SMYD3: variants seen among roughly 807,000 people sequenced by gnomAD.
SMYD3 encodes the protein histone-lysine N-methyltransferase SMYD3.
SMYD3 carries 36 observed loss-of-function variants against 57.7 expected under a neutral mutation model. The observed-to-expected ratio is 0.62, with a 90% CI of 0.48 to 0.82. The LOEUF (loss-of-function observed/expected upper bound fraction) is 0.82, where lower values mean the gene tolerates loss of function less well. Ranked by LOEUF, SMYD3 falls within the 40% of genes least tolerant of loss-of-function variation. The pLI is 0.00. For missense variants in SMYD3, 515 were observed against 538.8 expected (o/e 0.96, Z 0.44); for synonymous variants, 211 against 195.0 (o/e 1.08, Z -0.68).
intron 7 of SMYD3, among the ~76,000 whole-genome samples, chr1:245,917,394 G>A (rs2055514509): frequency 6.6e-6 from 1 of 152,148 alleles, no homozygotes; most frequent in Admixed American, 6.5e-5. Context: ...GATTATGAAG[G>A]AAAAGAAAAA....
intron 5 of SMYD3, among the ~76,000 whole-genome samples, chr1:246,041,911 C>T (rs2148296391): frequency 6.6e-6 from 1 of 152,202 alleles, no homozygotes; most frequent in Non-Finnish European, 1.5e-5. Flanking sequence ...TGCGTATTTC[C>T]TGGGCCCTTA....
chr1:245,824,407 C>A (rs2049352669), intron 10 of SMYD3, among the ~76,000 whole-genome samples: 1 of 152,216 alleles, frequency 6.6e-6, no homozygotes, highest in Non-Finnish European at 1.5e-5. Flanking sequence ...AAGCCAAGTA[C>A]TAAGTAATCT....
intron 10 of SMYD3, among the ~76,000 whole-genome samples, chr1:245,801,750 C>G (rs1160080070): frequency 6.1e-5 from 9 of 147,608 alleles, no homozygotes; most frequent in Admixed American, 5.4e-4. Context: ...ATCACAAAAA[C>G]TCAAGTTGGA....
rs376552638 is a variant in SMYD3 at position 246,302,260 on chromosome 1, C to G, written c.531+24941G>C. Among the ~76,000 whole-genome samples, 6 of 152,158 alleles carry G rather than the reference C, an allele frequency of 3.9e-5. No individual in the cohort carries two copies. The East Asian group carries it at 5.8e-4, about 15-fold the overall frequency. ...AAAGGCTATCAGAGAATCGAAGCAACTCACAGAAGGAAAGCCTAGCAATGG... is the reference window on the plus strand; with the variant it reads ...AAAGGCTATCAGAGAATCGAAGCAAGTCACAGAAGGAAAGCCTAGCAATGG... On this transcript the variant is annotated intron_variant, in intron 5 of 11. Coordinates refer to ENST00000490107, the MANE Select transcript of SMYD3 (RefSeq NM_001167740.2).
chr1:245,860,142 G>C (rs1266675262), intron 9 of SMYD3, among the ~76,000 whole-genome samples: 2 of 87,670 alleles, frequency 2.3e-5, no homozygotes, highest in Non-Finnish European at 6.4e-5. Flanking sequence ...GAGTTTGACT[G>C]AACTCAGTGC....
chr1:246,398,042 C>T (rs980307276), intron 1 of SMYD3, among the ~76,000 whole-genome samples: 2 of 152,056 alleles, frequency 1.3e-5, no homozygotes, highest in Admixed American at 6.6e-5. Flanking sequence ...CACTAGAATG[C>T]TAAAGTCTGA....
rs78489136 is a variant in SMYD3, at chr1:246,336,933, A to G, written c.229-1459T>C. Among the ~76,000 whole-genome samples, 1,048 of 152,358 alleles carry G rather than the reference A, an allele frequency of 6.9e-3. 35 individuals are homozygous for G. The East Asian group carries it at 0.11, about 16-fold the overall frequency. On this transcript the variant is annotated intron_variant, in intron 2 of 11. Transcript: ENST00000490107. ...CTTATATAATCCTCAACTGACAGAA[A>G]GTAAAAACATACAGTTTCACCAAGT...
chr1:245,898,892 C>G (rs988630552), intron 8 of SMYD3, among the ~76,000 whole-genome samples: 1 of 152,154 alleles, frequency 6.6e-6, no homozygotes, highest in Non-Finnish European at 1.5e-5. Context: ...CTGACCTGGG[C>G]AAGCCATGAG....
At chr1:246,501,499 T>C (rs1482459672) in intron 1 of SMYD3, among the ~76,000 whole-genome samples, 2 of 152,162 alleles carry the variant, frequency 1.3e-5, no homozygotes, top group Admixed American at 6.5e-5. Context: ...CATGTACATA[T>C]CAAGTCAACC....
intron 10 of SMYD3, among the ~76,000 whole-genome samples, chr1:245,823,949 C>A (rs1256835505): frequency 6.6e-6 from 1 of 152,190 alleles, no homozygotes; most frequent in Admixed American, 6.5e-5. Context: ...AGGCACCGCA[C>A]GCAGGGCAGG....
chr1:246,166,527 C>T (rs970406424), intron 5 of SMYD3, among the ~76,000 whole-genome samples: 10 of 152,166 alleles, frequency 6.6e-5, no homozygotes, highest in Non-Finnish European at 1.2e-4. Context: ...AATCAACATA[C>T]AGCCTTCATA....
intron 1 of SMYD3, among the ~76,000 whole-genome samples, chr1:246,403,076 C>G (rs2066798668): frequency 6.6e-6 from 1 of 152,194 alleles, no homozygotes; most frequent in African/African-American, 2.4e-5. Context: ...TGGCAAACTT[C>G]TGATAAACCA....
At chr1:245,960,109 A>C (rs1320079256) in intron 5 of SMYD3, among the ~76,000 whole-genome samples, 1 of 152,190 alleles carries the variant, frequency 6.6e-6, no homozygotes, top group East Asian at 1.9e-4. Context: ...AATATTAATA[A>C]AACAAAATTA....
chr1:246,054,139 A>C (rs2060108700), intron 5 of SMYD3, among the ~76,000 whole-genome samples: 1 of 152,236 alleles, frequency 6.6e-6, no homozygotes, highest in African/African-American at 2.4e-5. Context: ...AAAAGAAAAG[A>C]TACAAATGGC....
chr1:246,356,595 A>C (rs2065913049), intron 1 of SMYD3, among the ~76,000 whole-genome samples: 1 of 152,232 alleles, frequency 6.6e-6, no homozygotes, highest in Non-Finnish European at 1.5e-5. Context: ...CATAAATAAA[A>C]AATGATCACA....
At chr1:245,854,593 TTC>T (rs67359983) in intron 10 of SMYD3, among the ~76,000 whole-genome samples, 84,020 of 150,872 alleles carry the variant, frequency 0.56, 26,274 homozygotes, top group Middle Eastern at 0.72. Flanking sequence ...AGTTATCCTT[TTC>T]TCTCTCTCTC....
intron 5 of SMYD3, among the ~76,000 whole-genome samples, chr1:246,288,059 A>ATTTTTTTT (rs1258559424): frequency 3.0e-5 from 3 of 98,582 alleles, no homozygotes; most frequent in African/African-American, 7.6e-5. Context: ...CCATCAGGTA[A>ATTTTTTTT]TTCTTTTTTT....
At chr1:245,956,553 T>C (rs1572786370) in intron 5 of SMYD3, among the ~76,000 whole-genome samples, 1 of 152,224 alleles carries the variant, frequency 6.6e-6, no homozygotes, top group Non-Finnish European at 1.5e-5. Flanking sequence ...TTTTGAGTCC[T>C]ACAAACCACT....
At chr1:246,303,567 ACT>A (rs907643730) in intron 5 of SMYD3, among the ~76,000 whole-genome samples, 8 of 152,232 alleles carry the variant, frequency 5.3e-5, no homozygotes, top group African/African-American at 1.9e-4. Flanking sequence ...TTTTTATTGT[ACT>A]GTTATTTTTC....
Sources: allele counts gnomAD v4.1 joint callset (sites outside exome capture counted in the v4.1 genomes callset), GRCh38; gene constraint gnomAD v4.1.1; transcripts MANE v1.5; gene names NCBI Gene and HGNC (gene_info 2026-07-23, HGNC 2026-07-21).